Variants in NKAIN3 observed in about 807,000 individuals in gnomAD.
NKAIN3 encodes the protein sodium/potassium transporting ATPase interacting 3, also known as sodium/potassium-transporting ATPase subunit beta-1-interacting protein 3.
In NKAIN3, 25 loss-of-function variants were observed where a neutral mutation model predicts 30.2. The observed-to-expected ratio is 0.83, with a 90% CI of 0.60 to 1.16. The LOEUF (loss-of-function observed/expected upper bound fraction) is 1.16. NKAIN3 is among the 50% of genes most tolerant of loss of function. The probability of loss-of-function intolerance (pLI) is 0.00; values close to 1 mark genes in which losing one functional copy is unlikely to be tolerated. For synonymous variants in NKAIN3, 91 were observed against 89.6 expected (o/e 1.02, Z -0.09); for missense variants, 225 against 254.1 (o/e 0.89, Z 0.78).
At chr8:62,924,692 G>A (rs759438173) in intron 5 of NKAIN3, among the ~76,000 whole-genome samples, 1 of 152,156 alleles carries the variant, frequency 6.6e-6, no homozygotes, top group Non-Finnish European at 1.5e-5. Context: ...TCCTGTCTTA[G>A]TTCTTCTGGG....
chr8:62,783,678 T>A lies in NKAIN3; in HGVS notation c.471+36549T>A, dbSNP rs1202019386. 3.3e-5 allele frequency among the ~76,000 whole-genome samples: 5 copies of A among 149,958 alleles called. No individual in the cohort carries two copies. The East Asian group carries it at 9.8e-4, about 29-fold the overall frequency. ...GCTGCTGGAATGCAATGGCAAGATC[T>A]CTGCTCACTGCAGCCTCAACCTCCT... On this transcript the variant is annotated intron_variant, in intron 4 of 6. Coordinates refer to ENST00000623646, the MANE Select transcript of NKAIN3 (RefSeq NM_001304533.3).
chr8:62,556,023 C>T (rs146438018), intron 1 of NKAIN3, among the ~76,000 whole-genome samples: 1 of 151,870 alleles, frequency 6.6e-6, no homozygotes, highest in African/African-American at 2.4e-5. Flanking sequence ...AAGAGACTCT[C>T]ATTTAACAAA....
At chr8:62,997,249 A>C (rs1033442570) in intron 5 of NKAIN3, among the ~76,000 whole-genome samples, 1 of 152,240 alleles carries the variant, frequency 6.6e-6, no homozygotes, top group African/African-American at 2.4e-5. Context: ...ATTAAGCTCC[A>C]AATAAAATTT....
intron 1 of NKAIN3, among the ~76,000 whole-genome samples, chr8:62,318,326 A>G (rs929369802): frequency 7.3e-5 from 11 of 151,530 alleles, no homozygotes; most frequent in African/African-American, 2.7e-4. Context: ...ATGTTGTCCA[A>G]CGTCCTATGT....
chr8:62,457,068 G>A (rs938938884), intron 1 of NKAIN3, among the ~76,000 whole-genome samples: 5 of 152,218 alleles, frequency 3.3e-5, no homozygotes, highest in African/African-American at 1.2e-4. Flanking sequence ...GCATGTAGTA[G>A]GTGCTTAAGT....
chr8:62,779,685 C>T (rs575844541), intron 4 of NKAIN3, among the ~76,000 whole-genome samples: 2 of 152,148 alleles, frequency 1.3e-5, no homozygotes, highest in African/African-American at 4.8e-5. Flanking sequence ...GCATACAGAA[C>T]ATTCTCCAAG....
chr8:62,289,792 G>A (rs922471538), intron 1 of NKAIN3, among the ~76,000 whole-genome samples: 7 of 152,176 alleles, frequency 4.6e-5, no homozygotes, highest in African/African-American at 1.7e-4. Flanking sequence ...GTCATTGGTA[G>A]CTTGATGGGG....
At chr8:62,469,500 G>A (rs1806259486) in intron 1 of NKAIN3, among the ~76,000 whole-genome samples, 1 of 152,158 alleles carries the variant, frequency 6.6e-6, no homozygotes, top group African/African-American at 2.4e-5. Context: ...TTGCTGGACA[G>A]GTTGCAGGCA....
intron 1 of NKAIN3, among the ~76,000 whole-genome samples, chr8:62,398,546 G>C (rs1817837538): frequency 6.6e-6 from 1 of 152,192 alleles, no homozygotes; most frequent in Non-Finnish European, 1.5e-5. Context: ...ATGACTGAAA[G>C]TACATGGTAG....
rs2130920036 is a variant in NKAIN3 at position 62,977,201 on chromosome 8, C to T, written c.*11794C>T. On this transcript the variant is annotated 3_prime_UTR_variant, in exon 7 of 7. Transcript: ENST00000623646. ...TCAAAGAGTATCTTTGTGGTGTTCT[C>T]TGTATTTCCTGAATTTGTATTCTGT... Among the ~76,000 whole-genome samples the T allele has an allele frequency of 6.6e-6, 1 of 152,214 alleles. No individual in the cohort carries two copies. The highest frequency in any genetic ancestry group is 3.4e-3 in the Middle Eastern group (1 of 294).
At chr8:62,528,350 T>TTTATAATATAATATATA (rs56144773) in intron 1 of NKAIN3, among the ~76,000 whole-genome samples, 1 of 137,394 alleles carries the variant, frequency 7.3e-6, no homozygotes, top group Non-Finnish European at 1.5e-5. Context: ...AATATATATA[T>TTTATAATATAATATATA]ATATGACTTT....
intron 1 of NKAIN3, among the ~76,000 whole-genome samples, chr8:62,531,389 C>T (rs1808486611): frequency 6.6e-6 from 1 of 152,194 alleles, no homozygotes. Context: ...ATCCCTAAAA[C>T]ATCACATAAA....
intron 1 of NKAIN3, among the ~76,000 whole-genome samples, chr8:62,408,680 T>A (rs187337567): frequency 1.3e-3 from 194 of 152,306 alleles, no homozygotes; most frequent in African/African-American, 4.6e-3. Context: ...CTGTGGCTGT[T>A]AACTTTTGCT....
At chr8:62,945,669 C>A (rs186695182) in intron 5 of NKAIN3, among the ~76,000 whole-genome samples, 1 of 152,248 alleles carries the variant, frequency 6.6e-6, no homozygotes, top group Non-Finnish European at 1.5e-5. Context: ...GCCTACACAC[C>A]ATTTAGGAGG....
chr8:62,283,335 T>C (rs1236582283), intron 1 of NKAIN3, among the ~76,000 whole-genome samples: 1 of 152,138 alleles, frequency 6.6e-6, no homozygotes, highest in Non-Finnish European at 1.5e-5. Flanking sequence ...ACAAACCCAT[T>C]TTTCAGTTCC....
At chr8:62,800,550 C>A (rs1563567639) in intron 4 of NKAIN3, among the ~76,000 whole-genome samples, 1 of 151,850 alleles carries the variant, frequency 6.6e-6, no homozygotes, top group Non-Finnish European at 1.5e-5. Context: ...ACAGCCTGCA[C>A]CTTCCAGGGA....
intron 3 of NKAIN3, among the ~76,000 whole-genome samples, chr8:62,670,742 G>A (rs73682630): frequency 0.066 from 10,033 of 152,084 alleles, 684 homozygotes; most frequent in African/African-American, 0.18. Context: ...CTCTTCTGAG[G>A]CTTCAAAAAT....
At chr8:62,442,466 A>G (rs1805356761) in intron 1 of NKAIN3, among the ~76,000 whole-genome samples, 3 of 152,028 alleles carry the variant, frequency 2.0e-5, no homozygotes, top group Middle Eastern at 3.4e-3. Context: ...TATTTGGTCT[A>G]TTGCCCTCCC....
intron 4 of NKAIN3, among the ~76,000 whole-genome samples, chr8:62,829,742 T>TGATAGATA (rs57301851): frequency 0.16 from 24,371 of 150,260 alleles, 2,004 homozygotes; most frequent in Middle Eastern, 0.2. Context: ...GATAGATAGA[T>TGATAGATA]GATAGATAGA....
Sources: allele counts gnomAD v4.1 joint callset (sites outside exome capture counted in the v4.1 genomes callset), GRCh38; gene constraint gnomAD v4.1.1; transcripts MANE v1.5; gene names NCBI Gene and HGNC (gene_info 2026-07-23, HGNC 2026-07-21).